SDCCAG8: variants seen among roughly 807,000 people sequenced by gnomAD.
SDCCAG8 encodes the protein SHH signaling and ciliogenesis regulator SDCCAG8.
In SDCCAG8, 74 loss-of-function variants were observed where a neutral mutation model predicts 101.8. That is an observed-to-expected ratio of 0.73 (90% CI 0.60 to 0.88). The LOEUF is 0.88. Ranked by LOEUF, SDCCAG8 falls within the 40% of genes least tolerant of loss-of-function variation. The pLI, the probability that SDCCAG8 is intolerant of heterozygous loss-of-function variation, is 0.00. For synonymous variants in SDCCAG8, 281 were observed against 292.9 expected, an observed-to-expected ratio of 0.96 and a Z score of 0.41; for missense variants, 787 against 822.6, an observed-to-expected ratio of 0.96 and a Z score of 0.53.
At chr1:243,485,965 G>A (rs1227005464) in intron 16 of SDCCAG8, among the ~76,000 whole-genome samples, 2 of 151,748 alleles carry the variant, frequency 1.3e-5, no homozygotes, top group Non-Finnish European at 2.9e-5. Context: ...TTGGGAGGCT[G>A]AGGCGAGTGG....
intron 12 of SDCCAG8, among the ~76,000 whole-genome samples, chr1:243,370,871 T>C (rs2077250830): frequency 6.6e-6 from 1 of 152,118 alleles, no homozygotes; most frequent in African/African-American, 2.4e-5. Flanking sequence ...TTGGAAGCAA[T>C]TGGAAAACTG....
intron 15 of SDCCAG8, among the ~76,000 whole-genome samples, chr1:243,424,415 T>C (rs1329945496): frequency 6.6e-6 from 1 of 152,000 alleles, no homozygotes; most frequent in Non-Finnish European, 1.5e-5. Context: ...ATTTAGAAAG[T>C]ATGGAAAAGG....
At chr1:243,352,556 C>A (rs1262989195) in intron 12 of SDCCAG8, among the ~76,000 whole-genome samples, 1 of 152,182 alleles carries the variant, frequency 6.6e-6, no homozygotes, top group Non-Finnish European at 1.5e-5. Context: ...TGCAGCCCAA[C>A]AAGCTGAGAG....
Position 243,418,051 on chromosome 1 carries a change from C to T in SDCCAG8, c.1828C>T (p.Leu610=), listed in dbSNP as rs763772496. The T allele has an allele frequency of 5.0e-6, 8 of 1,612,346 alleles. No individual in the cohort carries two copies. The Admixed American group carries it at 1.3e-4, about 27-fold the overall frequency. ...AGAATGCTGTACATTAGCCAAGAAA[C>T]TGGAACAAATCTCTCAAAAAACCAG... The part of the protein sequence containing the change: ...KEECCTLAKK[L]EQISQKTRSE... The change falls in exon 15 of 18, where the codon CTG becomes TTG. Residue 610 remains leucine, a synonymous_variant. Transcript: ENST00000366541.
chr1:243,330,804 A>T, intron 10 of SDCCAG8, 112 bp downstream of exon 10: 1 of 996,356 alleles, frequency 1.0e-6, no homozygotes, highest in South Asian at 1.5e-5. Context: ...TAAAATCGTT[A>T]TTATATAAGT....
chr1:243,271,105 T>G, intron 3 of SDCCAG8, 42 bp downstream of exon 3: 1 of 1,368,024 alleles, frequency 7.3e-7, no homozygotes, highest in Non-Finnish European at 1.0e-6. Flanking sequence ...ATTCCTGTGT[T>G]TTACTGTATT....
intron 4 of SDCCAG8, among the ~76,000 whole-genome samples, chr1:243,284,435 T>C (rs995235360): frequency 6.6e-6 from 1 of 152,208 alleles, no homozygotes; most frequent in African/African-American, 2.4e-5. Context: ...CATAGTGATG[T>C]GGTCGTTAGA....
chr1:243,484,666 C>G (rs1558533787), intron 16 of SDCCAG8, among the ~76,000 whole-genome samples: 2 of 152,182 alleles, frequency 1.3e-5, no homozygotes, highest in African/African-American at 4.8e-5. Context: ...AAGTGAGTCT[C>G]TCCTCCATTG....
chr1:243,270,074 G>C (rs1037051286), intron 1 of SDCCAG8, 31 bp from the exon 2 acceptor site: 1 of 1,614,080 alleles, frequency 6.2e-7, no homozygotes. Flanking sequence ...AGACTCCATG[G>C]GTCCTAACTT....
chr1:243,402,673 C>T (rs1319273636), intron 13 of SDCCAG8, among the ~76,000 whole-genome samples: 1 of 152,172 alleles, frequency 6.6e-6, no homozygotes, highest in Non-Finnish European at 1.5e-5. Flanking sequence ...CAGCCCTAGA[C>T]GTTTGTTACT....
At chr1:243,351,075 A>G (rs959601463) in intron 12 of SDCCAG8, among the ~76,000 whole-genome samples, 3 of 152,184 alleles carry the variant, frequency 2.0e-5, no homozygotes, top group African/African-American at 7.2e-5. Flanking sequence ...TGCTAAGATA[A>G]TGGATGACTT....
chr1:243,294,696 TCCC>T (rs576179320), intron 6 of SDCCAG8, among the ~76,000 whole-genome samples: 1 of 62,230 alleles, frequency 1.6e-5, no homozygotes, highest in African/African-American at 7.7e-5. Flanking sequence ...CTTTCTAAAT[TCCC>T]CCCCCCCCCC....
At position 243,293,060 on chromosome 1, in the gene SDCCAG8, C is replaced by G. The variant is rs768842119; in HGVS notation, c.547-31C>G. 8 of 1,612,986 alleles carry G rather than the reference C, an allele frequency of 5.0e-6. No individual in the cohort carries two copies. The Admixed American group carries it at 1.3e-4, about 27-fold the overall frequency. ...ATGCATGTTTATTTAAAGTTGAATTCAGTTGCAGTTACTGGCACATTTTAT... is the reference window on the plus strand; with the variant it reads ...ATGCATGTTTATTTAAAGTTGAATTGAGTTGCAGTTACTGGCACATTTTAT... On this transcript the variant is annotated intron_variant, in intron 5 of 17. Coordinates refer to ENST00000366541, the MANE Select transcript of SDCCAG8 (RefSeq NM_006642.5).
At chr1:243,483,938 C>T (rs1278932571) in intron 16 of SDCCAG8, among the ~76,000 whole-genome samples, 1 of 152,230 alleles carries the variant, frequency 6.6e-6, no homozygotes, top group East Asian at 1.9e-4. Context: ...CCCACACTGA[C>T]AATCTTTGCC....
At position 243,307,540 on chromosome 1, in the gene SDCCAG8, A is replaced by G. The variant is rs923190024; in HGVS notation, c.741-449A>G. Reference sequence around the variant, plus strand: ...TTTATGTGAACTTTTAAGACACTCTAAAAATTTTAAGAGATTAATGCTTGA... The same window carrying G: ...TTTATGTGAACTTTTAAGACACTCTGAAAATTTTAAGAGATTAATGCTTGA... On this transcript the variant is annotated intron_variant, in intron 7 of 17. Coordinates refer to ENST00000366541, the MANE Select transcript of SDCCAG8 (RefSeq NM_006642.5). The G allele has an allele frequency of 1.5e-4, 143 of 983,056 alleles. No homozygotes were observed. The African/African-American group carries it at 2.4e-3, about 17-fold the overall frequency. 60.9% of individuals were successfully genotyped at this position (983,056 alleles called of 1,614,324 possible).
chr1:243,437,816 G>A (rs1436174941), intron 16 of SDCCAG8, among the ~76,000 whole-genome samples: 1 of 152,178 alleles, frequency 6.6e-6, no homozygotes, highest in Non-Finnish European at 1.5e-5. Flanking sequence ...GGGATGACAG[G>A]CGTGAGCCAC....
intron 15 of SDCCAG8, 33 bp downstream of exon 15, chr1:243,418,109 C>G (rs1272190657): frequency 1.1e-5 from 16 of 1,433,268 alleles, no homozygotes; most frequent in Admixed American, 1.7e-5. Flanking sequence ...TTCAAGAGCA[C>G]TGTTTGTGTG....
intron 13 of SDCCAG8, among the ~76,000 whole-genome samples, chr1:243,407,097 A>G (rs1213596856): frequency 2.6e-5 from 4 of 152,188 alleles, no homozygotes; most frequent in Admixed American, 1.3e-4. Flanking sequence ...CTCTGAGGCC[A>G]GGGTCTACAT....
chr1:243,456,246 G>A lies in SDCCAG8; in HGVS notation c.1985+29688G>A, dbSNP rs186443235. ...TAATTAGGTCTGAGAAGAGTCATCG[G>A]GTTCTGCTCTCATCCTTGAGCCTGC... On this transcript the variant is annotated intron_variant, in intron 16 of 17. Transcript: ENST00000366541. Among the ~76,000 whole-genome samples, 213 of 152,262 alleles carry A rather than the reference G, an allele frequency of 1.4e-3. 1 individual carries two copies. The highest frequency in any genetic ancestry group is 5.0e-3 in the African/African-American group (206 of 41,562).
Sources: gnomAD v4.1 joint callset for allele counts (sites outside exome capture counted in the v4.1 genomes callset) on GRCh38, gnomAD v4.1.1 for gene constraint, MANE v1.5 for transcripts, NCBI Gene and HGNC (gene_info 2026-07-23, HGNC 2026-07-21) for gene names.